Variants in HPSE2 observed in about 807,000 individuals in gnomAD.
HPSE2 encodes inactive heparanase-2.
HPSE2 carries 38 observed loss-of-function variants against 60.5 expected under a neutral mutation model. The observed-to-expected ratio is 0.63, with a 90% CI of 0.48 to 0.82. The LOEUF (loss-of-function observed/expected upper bound fraction) is 0.82, where lower values mean the gene tolerates loss of function less well. HPSE2 is among the 40% of genes least tolerant of loss of function. The pLI, the probability that HPSE2 is intolerant of heterozygous loss-of-function variation, is 0.00. For synonymous variants in HPSE2, 295 were observed against 293.2 expected (o/e 1.01, Z -0.06); for missense variants, 713 against 740.4 (o/e 0.96, Z 0.43).
chr10:99,141,066 T>C (rs753623133), intron 3 of HPSE2, among the ~76,000 whole-genome samples: 6 of 152,228 alleles, frequency 3.9e-5, no homozygotes, highest in Non-Finnish European at 7.3e-5. Context: ...AATGAATTCA[T>C]TCTTTATGTA....
rs186448110 is a variant in HPSE2, at chr10:99,218,745, C to T, written c.448+13603G>A. Reference sequence around the variant, plus strand: ...ACAAATGTTCTATGAAACAATAGCACTTATTTTTCTAATAGTTTTAGGTTA... The same window carrying T: ...ACAAATGTTCTATGAAACAATAGCATTTATTTTTCTAATAGTTTTAGGTTA... On this transcript the variant is annotated intron_variant, in intron 2 of 11. Coordinates refer to ENST00000370552, the MANE Select transcript of HPSE2 (RefSeq NM_021828.5). 2.9e-3 allele frequency among the ~76,000 whole-genome samples: 438 copies of T among 152,282 alleles called. 8 individuals are homozygous for T. Among genetic ancestry groups the T allele is most frequent in the South Asian group, 0.011 (53 of 4,830 alleles).
At chr10:99,122,485 AG>A (rs1243463813) in intron 3 of HPSE2, among the ~76,000 whole-genome samples, 1 of 152,032 alleles carries the variant, frequency 6.6e-6, no homozygotes, top group Non-Finnish European at 1.5e-5. Context: ...ATTTGGTAAA[AG>A]GAATGAATAC....
chr10:98,545,689 C>T (rs1191445020), intron 9 of HPSE2, among the ~76,000 whole-genome samples: 1 of 152,048 alleles, frequency 6.6e-6, no homozygotes, highest in Non-Finnish European at 1.5e-5. Context: ...AAACCCACGC[C>T]AATATCATAC....
the HPSE2 span, among the ~76,000 whole-genome samples, chr10:99,295,871 T>C: frequency 6.6e-6 from 1 of 152,130 alleles, no homozygotes; most frequent in African/African-American, 2.4e-5. Context: ...GGAAACAAAT[T>C]GGAAAGAAAT....
intron 3 of HPSE2, among the ~76,000 whole-genome samples, chr10:99,061,095 A>G (rs1958232870): frequency 6.6e-6 from 1 of 152,192 alleles, no homozygotes; most frequent in Non-Finnish European, 1.5e-5. Flanking sequence ...GTAATTAATT[A>G]TATGCTGGCA....
intron 9 of HPSE2, among the ~76,000 whole-genome samples, chr10:98,585,121 G>A (rs2133930035): frequency 6.6e-6 from 1 of 152,202 alleles, no homozygotes; most frequent in South Asian, 2.1e-4. Flanking sequence ...GCTACATGGG[G>A]GTTGTATGGC....
Position 99,232,402 on chromosome 10 carries a change from C to T in HPSE2, c.394G>A (p.Ala132Thr), listed in dbSNP as rs1186794569. ...FLQFQNLRNP[A>T]KSRGGPGPDY... ...GGGCCCGGGCCCCCGCGGCTTTTCG[C>T]CGGGTTCCTCAGGTTCTGGAACTGC... Residue 132 changes from alanine to threonine, a missense_variant, in exon 2 of 12, where the codon GCG (alanine) becomes ACG (threonine). Transcript: ENST00000370552. 6.4e-7 allele frequency: 1 copy of T among 1,552,230 alleles called. No homozygotes were observed. The highest frequency in any genetic ancestry group is 1.2e-5 in the South Asian group (1 of 84,108).
intron 9 of HPSE2, among the ~76,000 whole-genome samples, chr10:98,575,192 T>C (rs145485707): frequency 1.3e-5 from 2 of 152,284 alleles, no homozygotes; most frequent in African/African-American, 4.8e-5. Flanking sequence ...TCATTTTCAA[T>C]AGACTCTGAG....
Position 98,487,506 on chromosome 10 carries a change from C to A in HPSE2, c.1466+2545G>T, listed in dbSNP as rs138948906. Among the ~76,000 whole-genome samples the A allele has an allele frequency of 4.6e-5, 7 of 152,316 alleles. 1 individual carries two copies. The East Asian group carries it at 1.4e-3, about 29-fold the overall frequency. ...TGTAACATTCTTTGCATTATTAATG[C>A]TGTTATTTGCATGTAGATGTGATAC... is the stretch of plus-strand genomic sequence containing the variant. On this transcript the variant is annotated intron_variant, in intron 10 of 11. Coordinates refer to ENST00000370552, the MANE Select transcript of HPSE2 (RefSeq NM_021828.5).
At chr10:98,931,968 C>G (rs1213281869) in intron 3 of HPSE2, among the ~76,000 whole-genome samples, 2 of 143,766 alleles carry the variant, frequency 1.4e-5, no homozygotes, top group African/African-American at 5.7e-5. Context: ...ATTTATTTCT[C>G]TTGCCTAATT....
rs75098240 is a variant in HPSE2, at chr10:98,575,125, G to A, written c.1320+39779C>T. Among the ~76,000 whole-genome samples the A allele has an allele frequency of 8.7e-3, 1,316 of 151,422 alleles. 17 individuals are homozygous for A. Among genetic ancestry groups the A allele is most frequent in the African/African-American group, 0.031 (1,259 of 41,226 alleles). Reference sequence around the variant, plus strand: ...TGAGCCACCTTTAAAAGGAAAAGGCGTCATATAGGCTCCTCAGTTTAAGCA... The same window carrying A: ...TGAGCCACCTTTAAAAGGAAAAGGCATCATATAGGCTCCTCAGTTTAAGCA... On this transcript the variant is annotated intron_variant, in intron 9 of 11. Transcript: ENST00000370552.
At chr10:98,559,330 G>A (rs1192158801) in intron 9 of HPSE2, among the ~76,000 whole-genome samples, 4 of 152,050 alleles carry the variant, frequency 2.6e-5, no homozygotes, top group Non-Finnish European at 1.5e-5. Flanking sequence ...ACCCGGTCTT[G>A]TCTATTGGTT....
intron 2 of HPSE2, among the ~76,000 whole-genome samples, chr10:99,180,061 C>G (rs970673740): frequency 6.6e-6 from 1 of 152,096 alleles, no homozygotes; most frequent in Non-Finnish European, 1.5e-5. Context: ...TAGCCATATG[C>G]AGAAAGCTGA....
At chr10:98,916,846 T>C (rs1310664182) in intron 3 of HPSE2, among the ~76,000 whole-genome samples, 1 of 152,194 alleles carries the variant, frequency 6.6e-6, no homozygotes, top group African/African-American at 2.4e-5. Flanking sequence ...TTCCTCTGAA[T>C]TTCCTTTTAA....
the HPSE2 span, among the ~76,000 whole-genome samples, chr10:99,281,099 A>C: frequency 6.6e-6 from 1 of 151,052 alleles, no homozygotes. Flanking sequence ...TAGTGCCTAT[A>C]TTAATATATA....
intron 3 of HPSE2, among the ~76,000 whole-genome samples, chr10:99,117,349 C>G (rs12777650): frequency 1.6e-5 from 2 of 125,526 alleles, no homozygotes; most frequent in Non-Finnish European, 3.2e-5. Context: ...AAACTCGGAG[C>G]TGAACTAAAG....
intron 6 of HPSE2, among the ~76,000 whole-genome samples, chr10:98,667,298 TA>T (rs1947389406): frequency 1.3e-5 from 2 of 152,010 alleles, no homozygotes; most frequent in Non-Finnish European, 2.9e-5. Context: ...GCCTGCCAAC[TA>T]AAAGGAGCCC....
intron 3 of HPSE2, among the ~76,000 whole-genome samples, chr10:98,744,588 C>T (rs190018333): frequency 6.6e-6 from 1 of 151,962 alleles, no homozygotes; most frequent in Admixed American, 6.6e-5. Flanking sequence ...AGAGAGAATT[C>T]CAGACAGAGG....
chr10:98,885,425 G>C (rs12412324), intron 3 of HPSE2, among the ~76,000 whole-genome samples: 2,904 of 152,188 alleles, frequency 0.019, 104 homozygotes, highest in East Asian at 0.15. Flanking sequence ...CTTTAATTTT[G>C]AAAGAAATTC....
Sources: allele counts gnomAD v4.1 joint callset (sites outside exome capture counted in the v4.1 genomes callset), GRCh38; gene constraint gnomAD v4.1.1; transcripts MANE v1.5; gene names NCBI Gene and HGNC (gene_info 2026-07-23, HGNC 2026-07-21).